The following NTRK3 variants were observed in gnomAD, a reference collection of about 807,000 sequenced individuals.
NTRK3 encodes neurotrophic receptor tyrosine kinase 3.
Under a neutral mutation model 91.7 loss-of-function variants are expected in NTRK3, and 24 were observed. The observed-to-expected ratio is 0.26, with a 90% CI of 0.19 to 0.37. The LOEUF is 0.37. Among genes scored for constraint, NTRK3 ranks in the 10% least tolerant of loss-of-function variants. The probability of loss-of-function intolerance (pLI) is 1.00; values close to 1 mark genes in which losing one functional copy is unlikely to be tolerated. For synonymous variants in NTRK3, 483 were observed against 404.0 expected (o/e 1.20, Z -2.34); for missense variants, 880 against 1,068.9 (o/e 0.82, Z 2.46).
chr15:88,100,847 C>T (rs1056484628), intron 13 of NTRK3, among the ~76,000 whole-genome samples: 3 of 152,158 alleles, frequency 2.0e-5, no homozygotes, highest in Admixed American at 6.5e-5. Flanking sequence ...CTTCCTTACA[C>T]CTTATACAAA....
At chr15:88,231,468 T>TACAC (rs147875811) in intron 3 of NTRK3, among the ~76,000 whole-genome samples, 5,765 of 149,266 alleles carry the variant, frequency 0.039, 119 homozygotes, top group Middle Eastern at 0.062. Flanking sequence ...TATATGTAAA[T>TACAC]ACACACACAC....
At chr15:88,076,781 A>T (rs180759914) in intron 13 of NTRK3, among the ~76,000 whole-genome samples, 3 of 151,936 alleles carry the variant, frequency 2.0e-5, no homozygotes, top group Non-Finnish European at 4.4e-5. Flanking sequence ...TCCAGCAAGC[A>T]GGGAACCACA....
chr15:88,254,390 T>A (rs548553697), intron 3 of NTRK3, among the ~76,000 whole-genome samples: 1 of 152,214 alleles, frequency 6.6e-6, no homozygotes, highest in South Asian at 2.1e-4. Context: ...CCCCGCCCCT[T>A]GGCTGTTTAT....
At chr15:88,239,884 G>A (rs772593115) in intron 3 of NTRK3, among the ~76,000 whole-genome samples, 5 of 152,148 alleles carry the variant, frequency 3.3e-5, no homozygotes, top group African/African-American at 7.2e-5. Flanking sequence ...TCCTGGACTC[G>A]ATGCGAATTC....
At chr15:88,009,444 G>A (rs554492274) in intron 14 of NTRK3, among the ~76,000 whole-genome samples, 3 of 152,180 alleles carry the variant, frequency 2.0e-5, no homozygotes, top group Non-Finnish European at 4.4e-5. Context: ...CTGCTTCTAC[G>A]TTCCACCTAA....
chr15:87,882,602 T>A (rs964430652), intron 17 of NTRK3, among the ~76,000 whole-genome samples: 1 of 152,084 alleles, frequency 6.6e-6, no homozygotes, highest in Non-Finnish European at 1.5e-5. Flanking sequence ...AACTTTCCAA[T>A]AATTTCAACC....
chr15:88,135,543 G>A, intron 9 of NTRK3, 146 bp from the exon 10 acceptor site: 1 of 959,046 alleles, frequency 1.0e-6, no homozygotes, highest in South Asian at 1.5e-5. Context: ...CACAATCCCA[G>A]CAGAGGGGAA....
chr15:88,174,521 C>T (rs1330580571), intron 5 of NTRK3, among the ~76,000 whole-genome samples: 1 of 152,294 alleles, frequency 6.6e-6, no homozygotes, highest in East Asian at 1.9e-4. Context: ...TGTGAAAATC[C>T]TATTCCGTGG....
chr15:87,871,719 G>A (rs748248621), exon 19 of NTRK3: 6 of 226,536 alleles, frequency 2.6e-5, no homozygotes, highest in Middle Eastern at 1.3e-3. Context: ...CCCCAAGAAC[G>A]GTAAGGCTAA....
intron 3 of NTRK3, among the ~76,000 whole-genome samples, chr15:88,247,019 G>T (rs2052899570): frequency 6.6e-6 from 1 of 152,172 alleles, no homozygotes; most frequent in Admixed American, 6.5e-5. Flanking sequence ...GAGTGTAGCC[G>T]CAGAGGGAAG....
intron 3 of NTRK3, among the ~76,000 whole-genome samples, chr15:88,223,941 C>T (rs2050459780): frequency 6.6e-6 from 1 of 152,194 alleles, no homozygotes; most frequent in Admixed American, 6.5e-5. Flanking sequence ...AGTGAGATGG[C>T]ATTCATTCTG....
At chr15:88,021,453 G>T (rs955418432) in intron 14 of NTRK3, among the ~76,000 whole-genome samples, 1 of 152,340 alleles carries the variant, frequency 6.6e-6, no homozygotes, top group Middle Eastern at 3.4e-3. Context: ...AGTAGCTCAA[G>T]AAATTTGAGA....
chr15:88,135,082 C>A lies in NTRK3; in HGVS notation c.1204+19G>T. 3 of 1,614,168 alleles carry A rather than the reference C, an allele frequency of 1.9e-6. No homozygotes were observed. Among genetic ancestry groups the A allele is most frequent in the African/African-American group, 1.3e-5 (1 of 75,072 alleles). On this transcript the variant is annotated intron_variant, in intron 10 of 18. Coordinates refer to ENST00000394480, the Ensembl canonical transcript of NTRK3. ...TAGAAAGAATCCATACACCTCCGATCCAGCTACGCTGCCCTCACCTGGAAA... is the reference window on the plus strand; with the variant it reads ...TAGAAAGAATCCATACACCTCCGATACAGCTACGCTGCCCTCACCTGGAAA...
At chr15:88,014,157 G>T (rs2077071362) in intron 14 of NTRK3, among the ~76,000 whole-genome samples, 1 of 152,182 alleles carries the variant, frequency 6.6e-6, no homozygotes, top group Non-Finnish European at 1.5e-5. Flanking sequence ...ATTCCCCAAA[G>T]ACACCAAAAC....
At chr15:88,184,259 C>A (rs1222179640) in exon 4 of NTRK3, 20 of 1,613,794 alleles carry the variant, frequency 1.2e-5, no homozygotes, top group Non-Finnish European at 1.5e-5. Context: ...TCCATGTCCA[C>A]GGCGTTGAGC....
chr15:88,165,789 G>T (rs770830995), intron 5 of NTRK3, among the ~76,000 whole-genome samples: 1 of 152,170 alleles, frequency 6.6e-6, no homozygotes. Flanking sequence ...TTATCACAGG[G>T]CCTGAGTCCA....
chr15:88,096,671 A>G (rs1020826562), intron 13 of NTRK3, among the ~76,000 whole-genome samples: 1 of 152,192 alleles, frequency 6.6e-6, no homozygotes, highest in Non-Finnish European at 1.5e-5. Context: ...TAACTAATTA[A>G]TGGAGGACAG....
intron 13 of NTRK3, among the ~76,000 whole-genome samples, chr15:88,051,455 C>A (rs530255009): frequency 6.6e-6 from 1 of 152,316 alleles, no homozygotes; most frequent in Admixed American, 6.5e-5. Flanking sequence ...TGTTGTGACT[C>A]CATGCTTTTA....
intron 13 of NTRK3, among the ~76,000 whole-genome samples, chr15:88,038,244 T>C (rs748675137): frequency 6.6e-6 from 1 of 152,212 alleles, no homozygotes; most frequent in Non-Finnish European, 1.5e-5. Context: ...CTGCTGAATG[T>C]TCCTATTAAG....
Sources: gnomAD v4.1 joint callset for allele counts (sites outside exome capture counted in the v4.1 genomes callset) on GRCh38, gnomAD v4.1.1 for gene constraint, MANE v1.5 for transcripts, NCBI Gene and HGNC (gene_info 2026-07-23, HGNC 2026-07-21) for gene names.